Variants in SLC14A2 observed in about 807,000 individuals in gnomAD.
SLC14A2 encodes the protein urea transporter 2.
Under a neutral mutation model 104.6 loss-of-function variants are expected in SLC14A2, and 91 were observed. The ratio of observed to expected loss-of-function variants is 0.87; its 90% CI spans 0.73 to 1.04. SLC14A2 has a LOEUF of 1.04. Ranked by LOEUF, SLC14A2 falls within the 50% of genes least tolerant of loss-of-function variation. SLC14A2 has a pLI of 0.00. For missense variants in SLC14A2, 1,189 were observed against 1,156.0 expected (o/e 1.03, Z -0.41); for synonymous variants, 476 against 466.4 (o/e 1.02, Z -0.27).
chr18:45,503,516 C>T (rs1173422826), intron 2 of SLC14A2, among the ~76,000 whole-genome samples: 1 of 152,134 alleles, frequency 6.6e-6, no homozygotes, highest in Non-Finnish European at 1.5e-5. Flanking sequence ...TGTCTTAATG[C>T]TTTTCTGCCT....
intron 1 of SLC14A2, among the ~76,000 whole-genome samples, chr18:45,437,681 G>A (rs2086619276): frequency 6.6e-6 from 1 of 152,202 alleles, no homozygotes; most frequent in African/African-American, 2.4e-5. Context: ...ACTATGCACT[G>A]CCTAAGCTCC....
chr18:45,174,085 A>G, the SLC14A2 span, among the ~76,000 whole-genome samples: 3 of 152,070 alleles, frequency 2.0e-5, no homozygotes, highest in Non-Finnish European at 4.4e-5. Flanking sequence ...TGCATTGATT[A>G]TGTTTCCCTC....
chr18:45,309,838 C>T (rs2085060418), intron 1 of SLC14A2, among the ~76,000 whole-genome samples: 1 of 152,238 alleles, frequency 6.6e-6, no homozygotes, highest in South Asian at 2.1e-4. Flanking sequence ...TAACTCCTAT[C>T]CCATGTCCCT....
intron 1 of SLC14A2, among the ~76,000 whole-genome samples, chr18:45,420,197 G>T (rs2086327265): frequency 6.6e-6 from 1 of 152,166 alleles, no homozygotes; most frequent in African/African-American, 2.4e-5. Flanking sequence ...AGAGTCCTCA[G>T]TTCCCCACCC....
At chr18:45,357,928 G>A (rs1164941071) in intron 1 of SLC14A2, among the ~76,000 whole-genome samples, 1 of 152,210 alleles carries the variant, frequency 6.6e-6, no homozygotes, top group Non-Finnish European at 1.5e-5. Flanking sequence ...ACATGACAAA[G>A]TTAGTGAATC....
At chr18:45,240,253 C>T in intron 1 of SLC14A2, among the ~76,000 whole-genome samples, 1 of 151,526 alleles carries the variant, frequency 6.6e-6, no homozygotes, top group Non-Finnish European at 1.5e-5. Flanking sequence ...TGTGCCACCA[C>T]ACCCGGCTAA....
rs575944917 is a variant in SLC14A2, at chr18:45,336,394, G to C, written c.-125+123203G>C. 2.0e-5 allele frequency among the ~76,000 whole-genome samples: 3 copies of C among 151,968 alleles called. No individual in the cohort carries two copies. The South Asian group carries it at 6.3e-4, about 32-fold the overall frequency. On this transcript the variant is annotated intron_variant, in intron 1 of 20. Transcript: ENST00000586448. ...CCCTAATTAACATCAGCCTGCCATA[G>C]TTAATAATTCTGCACTGGGCAGGAG...
chr18:45,424,100 C>T (rs571939568), intron 1 of SLC14A2: 5 of 152,236 alleles, frequency 3.3e-5, no homozygotes, highest in African/African-American at 7.2e-5. Flanking sequence ...AGGTTGAAGA[C>T]GTCACGTAAC....
At chr18:45,295,113 G>T (rs1428755233) in intron 1 of SLC14A2, among the ~76,000 whole-genome samples, 1 of 152,172 alleles carries the variant, frequency 6.6e-6, no homozygotes, top group Non-Finnish European at 1.5e-5. Context: ...GCAGAGCAAA[G>T]TGGTAAGTGG....
At chr18:45,187,952 T>C in the SLC14A2 span, among the ~76,000 whole-genome samples, 1 of 152,130 alleles carries the variant, frequency 6.6e-6, no homozygotes, top group South Asian at 2.1e-4. Context: ...CCATTTTTTT[T>C]CTACATTATA....
chr18:45,512,708 C>T lies in SLC14A2; in HGVS notation c.-35+29386C>T, dbSNP rs547884700. 5.8e-4 allele frequency among the ~76,000 whole-genome samples: 89 copies of T among 152,196 alleles called. 1 individual carries two copies. Among genetic ancestry groups the T allele is most frequent in the African/African-American group, 2.0e-3 (82 of 41,532 alleles). ...AATAGATTTTCTTCACGGCAGCCTC[C>T]CCGGGAGAGTCTGGTGAGGGCACAA... On this transcript the variant is annotated intron_variant, in intron 2 of 20. Coordinates refer to the SLC14A2 transcript ENST00000586448.
intron 1 of SLC14A2, among the ~76,000 whole-genome samples, chr18:45,249,216 AT>A (rs1277431320): frequency 6.6e-6 from 1 of 151,742 alleles, no homozygotes. Flanking sequence ...ATATAAGTAC[AT>A]TTTTGGAGAT....
rs976710345 is a variant in SLC14A2 at position 45,682,436 on chromosome 18, G to C, written c.2680G>C (p.Ala894Pro). Residue 894 changes from alanine to proline, a missense_variant, in exon 20 of 20, where the codon GCC becomes CCC. By Grantham distance (27) the Ala-to-Pro change is conservative. Coordinates refer to ENST00000255226, the MANE Select transcript of SLC14A2 (RefSeq NM_007163.4). ...GCTCAGCAAAGTCACCTACCCAGAGGCCAACCGCATCTACTACCTGTCCCA... is the reference window on the plus strand; with the variant it reads ...GCTCAGCAAAGTCACCTACCCAGAGCCCAACCGCATCTACTACCTGTCCCA... ...LPLSKVTYPE[A>P]NRIYYLSQER... 6.2e-7 allele frequency: 1 copy of C among 1,614,006 alleles called. No homozygotes were observed. Among genetic ancestry groups the C allele is most frequent in the African/African-American group, 1.3e-5 (1 of 74,894 alleles).
intron 6 of SLC14A2, among the ~76,000 whole-genome samples, chr18:45,639,002 C>A (rs951856836): frequency 6.6e-6 from 1 of 152,210 alleles, no homozygotes. Context: ...GTCAGCACTG[C>A]CAAACAAATT....
intron 1 of SLC14A2, among the ~76,000 whole-genome samples, chr18:45,464,829 G>A (rs1165471857): frequency 1.3e-5 from 2 of 152,198 alleles, no homozygotes; most frequent in Non-Finnish European, 2.9e-5. Flanking sequence ...GGTACAAGCG[G>A]CAGTTTCTGG....
intron 1 of SLC14A2, among the ~76,000 whole-genome samples, chr18:45,456,751 C>T (rs1407308663): frequency 3.5e-5 from 5 of 141,938 alleles, no homozygotes; most frequent in African/African-American, 7.7e-5. Flanking sequence ...CCCCAGGAGA[C>T]TTTTTTTTTT....
intron 2 of SLC14A2, among the ~76,000 whole-genome samples, chr18:45,515,019 C>G (rs2043418510): frequency 6.6e-6 from 1 of 152,210 alleles, no homozygotes; most frequent in Non-Finnish European, 1.5e-5. Context: ...ATGAAGCATC[C>G]TGACAGCACT....
At chr18:45,678,907 T>C in intron 18 of SLC14A2, 68 bp from the exon 19 acceptor site, 2 of 1,392,642 alleles carry the variant, frequency 1.4e-6, no homozygotes. Context: ...AGAGAATATG[T>C]AGAGCAATCT....
At chr18:45,510,743 G>A (rs1219483119) in intron 2 of SLC14A2, among the ~76,000 whole-genome samples, 6 of 151,630 alleles carry the variant, frequency 4.0e-5, no homozygotes, top group Admixed American at 2.6e-4. Flanking sequence ...GAGAGAACTT[G>A]TTTGGAGAGG....
Sources: gnomAD v4.1 joint callset for allele counts (sites outside exome capture counted in the v4.1 genomes callset) on GRCh38, gnomAD v4.1.1 for gene constraint, MANE v1.5 for transcripts, NCBI Gene and HGNC (gene_info 2026-07-23, HGNC 2026-07-21) for gene names.